The following ANO4 variants were observed in gnomAD, a reference collection of about 807,000 sequenced individuals.
ANO4 encodes the protein anoctamin 4.
Under a neutral mutation model 141.9 loss-of-function variants are expected in ANO4, and 69 were observed. The observed-to-expected ratio is 0.49, with a 90% CI of 0.40 to 0.59. The LOEUF (loss-of-function observed/expected upper bound fraction) is 0.59. ANO4 is among the 20% of genes least tolerant of loss of function. The pLI is 0.00. For synonymous variants in ANO4, 350 were observed against 394.3 expected (o/e 0.89, Z 1.33); for missense variants, 894 against 1,162.2 (o/e 0.77, Z 3.36).
intron 8 of ANO4, among the ~76,000 whole-genome samples, chr12:100,997,288 C>G (rs2045427898): frequency 6.8e-6 from 1 of 147,832 alleles, no homozygotes; most frequent in Non-Finnish European, 1.5e-5. Flanking sequence ...GAGCCGAGAT[C>G]CCACCACTGC....
rs1350260352 is a variant in ANO4, at chr12:100,890,103, TTGAG to T, written c.-140-11541_-140-11538del. Among the ~76,000 whole-genome samples, 6 of 151,648 alleles carry T rather than the reference TTGAG, an allele frequency of 4.0e-5. No homozygotes were observed. In the East Asian group the frequency reaches 7.7e-4, roughly 19 times the overall value. The stretch of plus-strand genomic sequence containing the variant: ...TAATTATGATACTAAGTACTATTTA[TTGAG>T]TATGTCAGGCACCATGCTGTGTGAA... On this transcript the variant is annotated intron_variant, in intron 1 of 27. Transcript: ENST00000392977.
At chr12:101,044,752 G>C (rs553050585) in intron 13 of ANO4, among the ~76,000 whole-genome samples, 1 of 152,272 alleles carries the variant, frequency 6.6e-6, no homozygotes, top group African/African-American at 2.4e-5. Context: ...GTTTTAGAAA[G>C]ATTTGAGCTC....
intron 9 of ANO4, among the ~76,000 whole-genome samples, chr12:101,022,471 G>A (rs528594747): frequency 3.9e-5 from 6 of 152,058 alleles, no homozygotes; most frequent in Admixed American, 6.5e-5. Flanking sequence ...TAACATTTGC[G>A]TACTGAATAA....
At chr12:101,088,711 A>G (rs568065744) in intron 17 of ANO4, among the ~76,000 whole-genome samples, 2 of 152,122 alleles carry the variant, frequency 1.3e-5, no homozygotes, top group African/African-American at 4.8e-5. Flanking sequence ...CTGTAATCCC[A>G]GCACCCCATC....
At chr12:101,058,986 T>C (rs1351383819) in intron 14 of ANO4, among the ~76,000 whole-genome samples, 1 of 152,188 alleles carries the variant, frequency 6.6e-6, no homozygotes, top group East Asian at 1.9e-4. Flanking sequence ...TCATATGATA[T>C]TGGCTGTGGG....
chr12:100,886,646 G>T (rs1343670045), intron 1 of ANO4, among the ~76,000 whole-genome samples: 1 of 152,100 alleles, frequency 6.6e-6, no homozygotes, highest in African/African-American at 2.4e-5. Context: ...ACAGCCCACA[G>T]GCCAAATCCA....
intron 3 of ANO4, among the ~76,000 whole-genome samples, chr12:100,765,414 T>TGTCA (rs2135537020): frequency 6.7e-6 from 1 of 148,946 alleles, no homozygotes; most frequent in African/African-American, 2.5e-5. Context: ...GGTTCTACTC[T>TGTCA]GTCACCCAGG....
intron 3 of ANO4, among the ~76,000 whole-genome samples, chr12:100,771,370 G>A (rs1245488015): frequency 6.6e-6 from 1 of 152,196 alleles, no homozygotes; most frequent in African/African-American, 2.4e-5. Flanking sequence ...TGAGCTGTCA[G>A]GTGTCAGGGT....
chr12:100,960,816 A>T (rs2043386861), intron 5 of ANO4, among the ~76,000 whole-genome samples: 1 of 152,168 alleles, frequency 6.6e-6, no homozygotes. Context: ...TTTTGTGATA[A>T]TAAAAAGTAT....
chr12:101,079,968 C>T (rs1175682725), intron 15 of ANO4, among the ~76,000 whole-genome samples: 1 of 152,226 alleles, frequency 6.6e-6, no homozygotes, highest in Non-Finnish European at 1.5e-5. Flanking sequence ...CCACGGTCCC[C>T]TCTTGGACCC....
At chr12:101,024,151 A>G (rs927781477) in intron 9 of ANO4, among the ~76,000 whole-genome samples, 17 of 152,266 alleles carry the variant, frequency 1.1e-4, no homozygotes, top group Non-Finnish European at 5.9e-5. Context: ...AGATTTATTT[A>G]ACAATGTGGG....
intron 1 of ANO4, among the ~76,000 whole-genome samples, chr12:100,799,917 C>A (rs2034579258): frequency 6.6e-6 from 1 of 152,090 alleles, no homozygotes; most frequent in African/African-American, 2.4e-5. Context: ...GTGTGGGGCC[C>A]CTTCCATGAT....
chr12:100,846,206 G>A (rs969655400), intron 1 of ANO4, among the ~76,000 whole-genome samples: 1 of 152,178 alleles, frequency 6.6e-6, no homozygotes, highest in Non-Finnish European at 1.5e-5. Flanking sequence ...TGAATTAGTA[G>A]TAAGCTGAAA....
rs1002988632 is a variant in ANO4, at chr12:100,837,398, C to A, written c.-141+42371C>A. On this transcript the variant is annotated intron_variant, in intron 1 of 27. Coordinates refer to ENST00000392977, the MANE Select transcript of ANO4 (RefSeq NM_001286615.2). ...ATAAGCAATGGGTTTAGGACTTCAA[C>A]AGTCTTGCTTCAGAGTTTACACTCC... Among the ~76,000 whole-genome samples the A allele has an allele frequency of 2.6e-5, 4 of 152,250 alleles. No individual in the cohort carries two copies. In the East Asian group the frequency reaches 7.8e-4, roughly 30 times the overall value.
intron 8 of ANO4, among the ~76,000 whole-genome samples, chr12:100,989,621 A>AGATGGATGGATGGATGGATG (rs375754773): frequency 9.7e-6 from 1 of 103,196 alleles, no homozygotes; most frequent in Non-Finnish European, 2.2e-5. Context: ...ATGGATGGAT[A>AGATGGATGGATGGATGGATG]GATGGATGGA....
chr12:100,840,771 G>A (rs1342443605), intron 1 of ANO4, among the ~76,000 whole-genome samples: 1 of 152,146 alleles, frequency 6.6e-6, no homozygotes, highest in Non-Finnish European at 1.5e-5. Flanking sequence ...ATGTGACAGA[G>A]GTAAAGACAT....
chr12:101,068,655 GA>G, intron 14 of ANO4: 1 of 1,319,812 alleles, frequency 7.6e-7, no homozygotes. Flanking sequence ...TTGAGCAAGA[GA>G]ATGACTTCCT....
intron 3 of ANO4, among the ~76,000 whole-genome samples, chr12:100,763,570 T>A (rs2032963603): frequency 1.3e-5 from 2 of 152,194 alleles, no homozygotes; most frequent in Non-Finnish European, 2.9e-5. Context: ...AGTCACCTGT[T>A]TACAAATGGC....
At chr12:100,759,866 T>C (rs1047064864) in intron 3 of ANO4, among the ~76,000 whole-genome samples, 1 of 152,210 alleles carries the variant, frequency 6.6e-6, no homozygotes, top group African/African-American at 2.4e-5. Context: ...ATAAAGACTT[T>C]ATAGTCTCAT....
Sources: allele counts gnomAD v4.1 joint callset (sites outside exome capture counted in the v4.1 genomes callset), GRCh38; gene constraint gnomAD v4.1.1; transcripts MANE v1.5; gene names NCBI Gene and HGNC (gene_info 2026-07-23, HGNC 2026-07-21).